GRM7: variants seen among roughly 807,000 people sequenced by gnomAD.
The protein encoded by GRM7 is metabotropic glutamate receptor 7.
A neutral mutation model predicts 84.5 loss-of-function variants in GRM7; 35 were observed. The ratio of observed to expected loss-of-function variants is 0.41; its 90% CI spans 0.32 to 0.55. The LOEUF is 0.55. GRM7 is among the 20% of genes least tolerant of loss of function. The pLI, the probability that GRM7 is intolerant of heterozygous loss-of-function variation, is 0.19. For synonymous variants in GRM7, 487 were observed against 455.1 expected, an observed-to-expected ratio of 1.07 and a Z score of -0.89; for missense variants, 1,003 against 1,194.6, an observed-to-expected ratio of 0.84 and a Z score of 2.36.
intron 4 of GRM7, among the ~76,000 whole-genome samples, chr3:7,318,172 T>C (rs1271290729): frequency 6.6e-6 from 1 of 152,144 alleles, no homozygotes; most frequent in African/African-American, 2.4e-5. Context: ...TCTAACTTTT[T>C]TCCTTTTTCA....
intron 1 of GRM7, among the ~76,000 whole-genome samples, chr3:6,955,542 A>T (rs1203758784): frequency 6.6e-6 from 1 of 151,760 alleles, no homozygotes; most frequent in Non-Finnish European, 1.5e-5. Flanking sequence ...ATCAAAAAAA[A>T]AAAGAAGAAT....
chr3:7,210,788 C>A (rs575919944), intron 2 of GRM7, among the ~76,000 whole-genome samples: 2 of 127,980 alleles, frequency 1.6e-5, no homozygotes, highest in Non-Finnish European at 3.3e-5. Flanking sequence ...CAATTATGAA[C>A]ATGCTGTGTA....
At chr3:7,015,260 A>C (rs1450908714) in intron 1 of GRM7, among the ~76,000 whole-genome samples, 1 of 152,036 alleles carries the variant, frequency 6.6e-6, no homozygotes, top group Non-Finnish European at 1.5e-5. Flanking sequence ...AAGAGCTGTA[A>C]CACTCACTGT....
chr3:7,024,384 C>A (rs1695896051), intron 1 of GRM7, among the ~76,000 whole-genome samples: 1 of 152,186 alleles, frequency 6.6e-6, no homozygotes, highest in Non-Finnish European at 1.5e-5. Context: ...TTGCTGCGTT[C>A]AAGTGAAGCA....
rs552241822 is a variant in GRM7 at position 7,062,055 on chromosome 3, A to G, written c.520-84397A>G. ...CTGTTTGGATACCCACTAGACATTT[A>G]AAGTTCCCCAGTGAACCCACTGGAG... On this transcript the variant is annotated intron_variant, in intron 1 of 9. Coordinates refer to ENST00000357716, the MANE Select transcript of GRM7 (RefSeq NM_000844.4). Among the ~76,000 whole-genome samples, 5 of 151,816 alleles carry G rather than the reference A, an allele frequency of 3.3e-5. No homozygotes were observed. In the East Asian group the frequency reaches 9.7e-4, roughly 30 times the overall value.
chr3:7,385,710 T>C (rs1337643989), intron 4 of GRM7, among the ~76,000 whole-genome samples: 2 of 152,236 alleles, frequency 1.3e-5, no homozygotes, highest in Non-Finnish European at 2.9e-5. Context: ...GTAGTAACTT[T>C]AACATATTTT....
chr3:7,450,025 A>G (rs1697702120), intron 5 of GRM7, among the ~76,000 whole-genome samples: 1 of 152,152 alleles, frequency 6.6e-6, no homozygotes, highest in Admixed American at 6.6e-5. Context: ...AAGAATAATG[A>G]CAAACTGGGA....
chr3:6,929,359 A>G (rs1169745356), intron 1 of GRM7, among the ~76,000 whole-genome samples: 2 of 152,138 alleles, frequency 1.3e-5, no homozygotes, highest in African/African-American at 4.8e-5. Flanking sequence ...TTGCTTTGGA[A>G]TATCTACTGG....
Position 6,985,969 on chromosome 3 carries a change from C to T in GRM7, c.519+124062C>T, listed in dbSNP as rs530803002. ...GGTTTTTTGAGAATAACCAGCCTAA[C>T]AAGTGTGAGGTGACAGCTCATTGTA... On this transcript the variant is annotated intron_variant, in intron 1 of 9. Coordinates refer to ENST00000357716, the MANE Select transcript of GRM7 (RefSeq NM_000844.4). Among the ~76,000 whole-genome samples, 5 of 152,206 alleles carry T rather than the reference C, an allele frequency of 3.3e-5. No homozygotes were observed. The East Asian group carries it at 5.8e-4, about 18-fold the overall frequency.
intron 3 of GRM7, among the ~76,000 whole-genome samples, chr3:7,305,691 G>T (rs994675555): frequency 6.6e-6 from 1 of 151,670 alleles, no homozygotes; most frequent in Non-Finnish European, 1.5e-5. Flanking sequence ...AGTAGAACTG[G>T]CCTTTGTCAG....
At chr3:7,255,005 G>C (rs1330361786) in intron 2 of GRM7, among the ~76,000 whole-genome samples, 2 of 152,172 alleles carry the variant, frequency 1.3e-5, no homozygotes, top group Non-Finnish European at 2.9e-5. Context: ...GACAGGTTTT[G>C]AGGGATGAGC....
chr3:7,464,185 A>C (rs1470720708), intron 7 of GRM7, among the ~76,000 whole-genome samples: 1 of 152,176 alleles, frequency 6.6e-6, no homozygotes, highest in East Asian at 1.9e-4. Context: ...TGTTGATGAC[A>C]CTTTGAGAAC....
chr3:7,525,624 G>A (rs932296384), intron 7 of GRM7, among the ~76,000 whole-genome samples: 1 of 152,062 alleles, frequency 6.6e-6, no homozygotes, highest in African/African-American at 2.4e-5. Flanking sequence ...GAATGATGCT[G>A]AGGTTTGGAT....
chr3:7,278,382 T>C (rs1328882256), intron 2 of GRM7, among the ~76,000 whole-genome samples: 1 of 152,092 alleles, frequency 6.6e-6, no homozygotes, highest in Non-Finnish European at 1.5e-5. Context: ...ACTGCTCAGA[T>C]AAATGAAAGA....
At chr3:7,526,473 G>T (rs1253211820) in intron 7 of GRM7, among the ~76,000 whole-genome samples, 1 of 152,042 alleles carries the variant, frequency 6.6e-6, no homozygotes, top group African/African-American at 2.4e-5. Flanking sequence ...CTCCAATTCT[G>T]TAAGTTGTCT....
intron 2 of GRM7, among the ~76,000 whole-genome samples, chr3:7,183,892 G>C (rs1695427744): frequency 6.6e-6 from 1 of 152,136 alleles, no homozygotes; most frequent in Admixed American, 6.6e-5. Context: ...CAGAGAAGAA[G>C]AGAGATTTAA....
At chr3:7,326,829 G>A (rs147197271) in intron 4 of GRM7, among the ~76,000 whole-genome samples, 16 of 142,722 alleles carry the variant, frequency 1.1e-4, no homozygotes, top group South Asian at 4.4e-4. Context: ...GTGGAACTCC[G>A]TCTCAAAAAA....
intron 1 of GRM7, among the ~76,000 whole-genome samples, chr3:6,865,080 G>A (rs1694894879): frequency 6.6e-6 from 1 of 152,114 alleles, no homozygotes; most frequent in Non-Finnish European, 1.5e-5. Flanking sequence ...GTGTGGCCAG[G>A]GCTCTGCCAA....
intron 4 of GRM7, among the ~76,000 whole-genome samples, chr3:7,319,620 T>G (rs1700701892): frequency 6.6e-6 from 1 of 151,962 alleles, no homozygotes; most frequent in African/African-American, 2.4e-5. Context: ...GGCAAAAGAG[T>G]CTAGGACTGA....
Sources: gnomAD v4.1 joint callset for allele counts (sites outside exome capture counted in the v4.1 genomes callset) on GRCh38, gnomAD v4.1.1 for gene constraint, MANE v1.5 for transcripts, NCBI Gene and HGNC (gene_info 2026-07-23, HGNC 2026-07-21) for gene names.